The following MECOM variants were observed in gnomAD, a reference collection of about 807,000 sequenced individuals.
MECOM encodes MDS1 and EVI1 complex locus, also known as histone-lysine N-methyltransferase MECOM.
In MECOM, 13 loss-of-function variants were observed where a neutral mutation model predicts 116.3. The ratio of observed to expected loss-of-function variants is 0.11; its 90% CI spans 0.07 to 0.18. The LOEUF is 0.18. Ranked by LOEUF, MECOM falls within the 10% of genes least tolerant of loss-of-function variation. The pLI is 1.00. For missense variants in MECOM, 1,299 were observed against 1,509.0 expected (o/e 0.86, Z 2.31); for synonymous variants, 528 against 535.2 (o/e 0.99, Z 0.19).
chr3:169,322,134 G>A (rs1720969161), intron 2 of MECOM, among the ~76,000 whole-genome samples: 1 of 152,160 alleles, frequency 6.6e-6, no homozygotes, highest in Non-Finnish European at 1.5e-5. Context: ...CTGGTGGTGT[G>A]ATATGACACT....
chr3:169,147,506 T>C, intron 2 of MECOM: 1 of 985,454 alleles, frequency 1.0e-6, no homozygotes, highest in Non-Finnish European at 1.2e-6. Flanking sequence ...TTTTAAATTT[T>C]TAAAGTGACA....
At chr3:169,566,771 C>T (rs1250803896) in intron 1 of MECOM, among the ~76,000 whole-genome samples, 3 of 152,194 alleles carry the variant, frequency 2.0e-5, no homozygotes, top group African/African-American at 7.2e-5. Context: ...ACTTCTACTT[C>T]CCCTCCTGCT....
At chr3:169,137,334 A>T (rs1736670589) in intron 3 of MECOM, among the ~76,000 whole-genome samples, 1 of 152,102 alleles carries the variant, frequency 6.6e-6, no homozygotes, top group South Asian at 2.1e-4. Context: ...CTGGACCCTG[A>T]TCTATCCATA....
intron 1 of MECOM, among the ~76,000 whole-genome samples, chr3:169,593,369 C>T (rs1445156176): frequency 6.6e-6 from 1 of 152,154 alleles, no homozygotes; most frequent in African/African-American, 2.4e-5. Flanking sequence ...CACAGGAAAA[C>T]AGCATAAATA....
At chr3:169,267,511 T>G (rs1758455697) in intron 2 of MECOM, among the ~76,000 whole-genome samples, 1 of 152,164 alleles carries the variant, frequency 6.6e-6, no homozygotes, top group Non-Finnish European at 1.5e-5. Context: ...GCTTCTAGCT[T>G]TATTTAAGAA....
At chr3:169,107,829 T>C in intron 10 of MECOM, 97 bp downstream of exon 10, 1 of 976,308 alleles carries the variant, frequency 1.0e-6, no homozygotes, top group Non-Finnish European at 1.6e-6. Flanking sequence ...TGGAAAGGGG[T>C]TCAGAATTAT....
intron 2 of MECOM, among the ~76,000 whole-genome samples, chr3:169,196,753 G>T (rs1002097377): frequency 6.6e-6 from 1 of 152,018 alleles, no homozygotes; most frequent in Non-Finnish European, 1.5e-5. Flanking sequence ...AAGCAGTGTG[G>T]CAATTTCTCA....
chr3:169,469,743 A>G (rs1748898955), intron 1 of MECOM, among the ~76,000 whole-genome samples: 1 of 152,222 alleles, frequency 6.6e-6, no homozygotes, highest in South Asian at 2.1e-4. Flanking sequence ...TGAAATAGAC[A>G]AAGTGGGTAA....
intron 2 of MECOM, among the ~76,000 whole-genome samples, chr3:169,308,007 T>C (rs1426380611): frequency 6.6e-6 from 1 of 152,230 alleles, no homozygotes; most frequent in Non-Finnish European, 1.5e-5. Context: ...CCACACTATT[T>C]ACTTTAGTTA....
chr3:169,097,243 CAAATCTAGTAAGCACCATCTT>C (rs1461117108), intron 12 of MECOM, among the ~76,000 whole-genome samples: 1 of 152,050 alleles, frequency 6.6e-6, no homozygotes, highest in African/African-American at 2.4e-5. Flanking sequence ...GGGTCTTTTC[CAAATCTAGTAAGCACCATCTT>C]CTCAAATCTA....
chr3:169,305,466 C>T (rs959651756), intron 2 of MECOM, among the ~76,000 whole-genome samples: 84 of 152,068 alleles, frequency 5.5e-4, no homozygotes, highest in Non-Finnish European at 7.4e-5. Context: ...GAAATCAGAC[C>T]AGATATCTAA....
intron 9 of MECOM, among the ~76,000 whole-genome samples, chr3:169,112,418 C>T (rs1272394901): frequency 6.6e-6 from 1 of 152,032 alleles, no homozygotes; most frequent in East Asian, 1.9e-4. Flanking sequence ...ACAAGAATGA[C>T]CTTCATGAGT....
chr3:169,112,659 TG>T, intron 9 of MECOM, 127 bp downstream of exon 9: 1 of 718,890 alleles, frequency 1.4e-6, no homozygotes, highest in Non-Finnish European at 2.4e-6. Context: ...TAGAATTTCC[TG>T]TGTTCTTCCA....
intron 2 of MECOM, among the ~76,000 whole-genome samples, chr3:169,242,540 C>A (rs1325300659): frequency 5.3e-5 from 8 of 152,116 alleles, no homozygotes; most frequent in Non-Finnish European, 1.5e-5. Flanking sequence ...GCTCCTGATG[C>A]GGGCGATCCT....
intron 2 of MECOM, among the ~76,000 whole-genome samples, chr3:169,244,288 C>A (rs764345217): frequency 2.6e-5 from 4 of 152,182 alleles, no homozygotes; most frequent in Non-Finnish European, 5.9e-5. Context: ...CCTAATGTTG[C>A]CGTCGTTTAC....
At chr3:169,142,701 T>C (rs1465743846) in intron 3 of MECOM, among the ~76,000 whole-genome samples, 1 of 151,988 alleles carries the variant, frequency 6.6e-6, no homozygotes, top group Admixed American at 6.6e-5. Context: ...ATCTGGTAGC[T>C]GGTACGATGC....
At chr3:169,485,993 ATGTATATATATACTATATATATATG>A (rs1560341204) in intron 1 of MECOM, among the ~76,000 whole-genome samples, 972 of 97,128 alleles carry the variant, frequency 0.01, 59 homozygotes, top group African/African-American at 0.04. Context: ...TAGTATATAT[ATGTATATATATACTATATATATATG>A]TATATATAGT....
intron 1 of MECOM, among the ~76,000 whole-genome samples, chr3:169,412,542 TAGA>T (rs1737732408): frequency 6.6e-6 from 1 of 152,048 alleles, no homozygotes; most frequent in African/African-American, 2.4e-5. Context: ...TTGATTTTCA[TAGA>T]AGGATTTTCC....
rs1216519370 is a variant in MECOM, at chr3:169,282,998, T to A, written c.375+98189A>T. Among the ~76,000 whole-genome samples, 5 of 152,074 alleles carry A rather than the reference T, an allele frequency of 3.3e-5. No homozygotes were observed. The South Asian group carries it at 1.0e-3, about 32-fold the overall frequency. ...GAAACTTTTTTTTCCATGGGGACAA[T>A]GTTATTCAAAGTATATGCTGACTTC... On this transcript the variant is annotated intron_variant, in intron 2 of 16. Transcript: ENST00000651503.
Sources: gnomAD v4.1 joint callset for allele counts (sites outside exome capture counted in the v4.1 genomes callset) on GRCh38, gnomAD v4.1.1 for gene constraint, MANE v1.5 for transcripts, NCBI Gene and HGNC (gene_info 2026-07-23, HGNC 2026-07-21) for gene names.